PHKB: variants seen among roughly 807,000 people sequenced by gnomAD.
PHKB encodes phosphorylase b kinase regulatory subunit beta.
In PHKB, 122 loss-of-function variants were observed where a neutral mutation model predicts 152.1. That is an observed-to-expected ratio of 0.80 (90% CI 0.69 to 0.93). PHKB has a LOEUF of 0.93. Ranked by LOEUF, PHKB falls within the 40% of genes least tolerant of loss-of-function variation. The pLI, the probability that PHKB is intolerant of heterozygous loss-of-function variation, is 0.00. For synonymous variants in PHKB, 436 were observed against 464.9 expected, an observed-to-expected ratio of 0.94 and a Z score of 0.80; for missense variants, 1,304 against 1,328.4, an observed-to-expected ratio of 0.98 and a Z score of 0.29.
intron 13 of PHKB, among the ~76,000 whole-genome samples, chr16:47,596,909 A>G (rs1377690612): frequency 6.6e-6 from 1 of 152,214 alleles, no homozygotes; most frequent in African/African-American, 2.4e-5. Context: ...CCACTTGCCA[A>G]AATGTATTGG....
intron 7 of PHKB, among the ~76,000 whole-genome samples, chr16:47,570,924 T>C (rs751155715): frequency 1.3e-5 from 2 of 152,142 alleles, no homozygotes; most frequent in Non-Finnish European, 2.9e-5. Flanking sequence ...TTTTTATTAT[T>C]ATTATTGAAT....
intron 7 of PHKB, among the ~76,000 whole-genome samples, chr16:47,557,574 G>A (rs200327426): frequency 1.3e-5 from 2 of 151,882 alleles, no homozygotes; most frequent in South Asian, 4.2e-4. Flanking sequence ...GTGGGCAAAG[G>A]ACATGAACAG....
rs1040833601 is a variant in PHKB, at chr16:47,463,713, A to C, written c.76+2287A>C. The C allele has an allele frequency of 5.3e-6, 3 of 564,672 alleles. No individual in the cohort carries two copies. The African/African-American group carries it at 5.7e-5, about 11-fold the overall frequency. 35.0% of individuals were successfully genotyped at this position (564,672 alleles called of 1,614,324 possible). ...AGTTTCTATCTCATCCATATGAGCA[A>C]GTGTAATTTATCAAAGCAAAGAAAA... On this transcript the variant is annotated intron_variant, in intron 1 of 30. Transcript: ENST00000323584.
At chr16:47,684,576 C>T (rs1357899885) in intron 26 of PHKB, among the ~76,000 whole-genome samples, 2 of 152,026 alleles carry the variant, frequency 1.3e-5, no homozygotes, top group African/African-American at 4.8e-5. Context: ...CCCATCCTGG[C>T]TAACACAGTG....
chr16:47,567,685 T>C (rs1413042921), intron 7 of PHKB, among the ~76,000 whole-genome samples: 1 of 152,206 alleles, frequency 6.6e-6, no homozygotes, highest in African/African-American at 2.4e-5. Context: ...TGTCTTATTT[T>C]GGCTTTTGTA....
chr16:47,607,843 T>C (rs1183480533), intron 13 of PHKB, among the ~76,000 whole-genome samples: 2 of 152,164 alleles, frequency 1.3e-5, no homozygotes, highest in Non-Finnish European at 2.9e-5. Flanking sequence ...CCAACACTTG[T>C]TCTTACCTAT....
intron 4 of PHKB, among the ~76,000 whole-genome samples, chr16:47,508,855 T>G (rs1197899341): frequency 1.3e-5 from 2 of 152,222 alleles, no homozygotes; most frequent in African/African-American, 4.8e-5. Flanking sequence ...TCAAAGCTTA[T>G]ACTTTGGACC....
At chr16:47,665,701 A>T in intron 25 of PHKB, 1 of 586,296 alleles carries the variant, frequency 1.7e-6, no homozygotes, top group South Asian at 2.0e-5. Flanking sequence ...AGTGTCATCA[A>T]TAATATTTTT....
chr16:47,512,551 A>G (rs1970527935), intron 5 of PHKB, among the ~76,000 whole-genome samples: 1 of 152,222 alleles, frequency 6.6e-6, no homozygotes, highest in Non-Finnish European at 1.5e-5. Context: ...CAGTGAAGCT[A>G]AAAACATGCC....
At chr16:47,685,453 C>T (rs1170563591) in intron 26 of PHKB, among the ~76,000 whole-genome samples, 1 of 152,022 alleles carries the variant, frequency 6.6e-6, no homozygotes, top group African/African-American at 2.4e-5. Context: ...AGCTTTTGTG[C>T]TAAAATTATC....
At chr16:47,608,531 G>A (rs1361503448) in intron 13 of PHKB, among the ~76,000 whole-genome samples, 1 of 152,158 alleles carries the variant, frequency 6.6e-6, no homozygotes, top group African/African-American at 2.4e-5. Flanking sequence ...GGCCAACATG[G>A]CAAAACCTTG....
chr16:47,504,001 C>A (rs1040117456), intron 4 of PHKB, among the ~76,000 whole-genome samples: 1 of 152,146 alleles, frequency 6.6e-6, no homozygotes, highest in Non-Finnish European at 1.5e-5. Context: ...AGTGCCCATA[C>A]GTGTACATCA....
chr16:47,538,822 T>A (rs182201987), intron 6 of PHKB, among the ~76,000 whole-genome samples: 22 of 152,360 alleles, frequency 1.4e-4, no homozygotes, highest in Admixed American at 1.4e-3. Context: ...CTTCCTGTAG[T>A]TTCTGAAAGT....
At chr16:47,556,709 A>T (rs941785300) in intron 7 of PHKB, among the ~76,000 whole-genome samples, 3 of 152,260 alleles carry the variant, frequency 2.0e-5, no homozygotes, top group African/African-American at 7.2e-5. Flanking sequence ...ATGTTCATCA[A>T]GGATATTGGT....
At chr16:47,537,159 A>G (rs1360905226) in intron 6 of PHKB, among the ~76,000 whole-genome samples, 1 of 152,246 alleles carries the variant, frequency 6.6e-6, no homozygotes, top group African/African-American at 2.4e-5. Flanking sequence ...CTTCCTGTGG[A>G]ATGAATATGG....
At chr16:47,609,426 C>T (rs769176251) in intron 13 of PHKB, among the ~76,000 whole-genome samples, 13 of 112,522 alleles carry the variant, frequency 1.2e-4, no homozygotes, top group South Asian at 2.9e-4. Context: ...GAGGTGTTCC[C>T]TCTTTTTTGT....
intron 7 of PHKB, among the ~76,000 whole-genome samples, chr16:47,549,020 T>C (rs1349604327): frequency 6.6e-6 from 1 of 152,204 alleles, no homozygotes; most frequent in Non-Finnish European, 1.5e-5. Context: ...CCTTTTTCTT[T>C]AGGTTTTGTG....
chr16:47,506,216 A>C (rs1970416188), intron 4 of PHKB, among the ~76,000 whole-genome samples: 1 of 151,800 alleles, frequency 6.6e-6, no homozygotes, highest in African/African-American at 2.4e-5. Flanking sequence ...AAAAAAAATA[A>C]TAAAAAGAGT....
At chr16:47,521,427 G>A (rs987915287) in intron 6 of PHKB, among the ~76,000 whole-genome samples, 2 of 152,172 alleles carry the variant, frequency 1.3e-5, no homozygotes, top group African/African-American at 2.4e-5. Context: ...GCCGAGGCAG[G>A]TGGATCACAT....
Sources: gnomAD v4.1 joint callset for allele counts (sites outside exome capture counted in the v4.1 genomes callset) on GRCh38, gnomAD v4.1.1 for gene constraint, MANE v1.5 for transcripts, NCBI Gene and HGNC (gene_info 2026-07-23, HGNC 2026-07-21) for gene names.